GFPT2: variants seen among roughly 807,000 people sequenced by gnomAD.
GFPT2 encodes glutamine--fructose-6-phosphate transaminase 2.
A neutral mutation model predicts 85.6 loss-of-function variants in GFPT2; 62 were observed. That is an observed-to-expected ratio of 0.72 (90% CI 0.59 to 0.90). The LOEUF is 0.90. Ranked by LOEUF, GFPT2 falls within the 40% of genes least tolerant of loss-of-function variation. The probability of loss-of-function intolerance (pLI) is 0.00; values close to 1 mark genes in which losing one functional copy is unlikely to be tolerated. For missense variants in GFPT2, 788 were observed against 893.4 expected, an observed-to-expected ratio of 0.88 and a Z score of 1.50; for synonymous variants, 368 against 344.5, an observed-to-expected ratio of 1.07 and a Z score of -0.75.
intron 15 of GFPT2, among the ~76,000 whole-genome samples, chr5:180,308,962 C>T (rs951756332): frequency 1.3e-5 from 2 of 152,050 alleles, no homozygotes; most frequent in African/African-American, 2.4e-5. Flanking sequence ...CTCGGCCACC[C>T]GGGTTCAAGT....
intron 1 of GFPT2, among the ~76,000 whole-genome samples, chr5:180,343,206 G>A (rs921449134): frequency 1.3e-5 from 2 of 152,180 alleles, no homozygotes. Flanking sequence ...GTTCCCGAGT[G>A]CATAATGAGT....
chr5:180,314,040 C>CCGAG (rs948578658), intron 13 of GFPT2, 76 bp from the exon 14 acceptor site: 40 of 1,407,252 alleles, frequency 2.8e-5, no homozygotes, highest in Non-Finnish European at 3.6e-5. Context: ...TCCTTCACCG[C>CCGAG]CGGCTCTTAC....
chr5:180,301,308 C>G lies in GFPT2; in HGVS notation c.*256G>C, dbSNP rs1241411499. On this transcript the variant is annotated 3_prime_UTR_variant, in exon 19 of 19. Coordinates refer to ENST00000253778, the MANE Select transcript of GFPT2 (RefSeq NM_005110.4). ...TGAAGAGAGCTGTATCTCTATTGCA[C>G]AGTAGTGGAGAAGTCTGCTCTGATC... is the stretch of plus-strand genomic sequence containing the variant. The G allele has an allele frequency of 1.6e-5, 9 of 550,052 alleles. 1 individual carries two copies. In the Admixed American group the frequency reaches 2.8e-4, roughly 17 times the overall value. The allele number at this position is 550,052 out of a possible 1,614,324, so 34.1% of individuals were successfully genotyped here.
intron 15 of GFPT2, 39 bp from the exon 16 acceptor site, chr5:180,307,342 G>T (rs1254857892): frequency 3.1e-6 from 5 of 1,609,392 alleles, no homozygotes; most frequent in African/African-American, 2.7e-5. Context: ...AACCAGTCAG[G>T]CCGACTTTAA....
At chr5:180,308,123 G>A (rs1327257055) in intron 15 of GFPT2, among the ~76,000 whole-genome samples, 2 of 152,108 alleles carry the variant, frequency 1.3e-5, no homozygotes, top group Admixed American at 6.6e-5. Context: ...GGGCATGGTG[G>A]CGGGCGCCTG....
chr5:180,313,106 C>T (rs1763927458), intron 14 of GFPT2, among the ~76,000 whole-genome samples: 3 of 151,768 alleles, frequency 2.0e-5, no homozygotes, highest in East Asian at 2.0e-4. Context: ...GACGGGGTTG[C>T]CCGGGGCGGT....
intron 9 of GFPT2, among the ~76,000 whole-genome samples, chr5:180,321,430 G>A (rs117200384): frequency 2.6e-5 from 4 of 152,212 alleles, no homozygotes; most frequent in African/African-American, 9.7e-5. Flanking sequence ...AGGTGGACTC[G>A]GGGCCTCTGT....
In GFPT2 at chr5:180,316,260, G is replaced by C. The variant is rs118088798; in HGVS notation, c.1273+81C>G. 2.1e-6 allele frequency: 3 copies of C among 1,407,598 alleles called. No individual in the cohort carries two copies. In the African/African-American group the frequency reaches 4.2e-5, roughly 20 times the overall value. The allele number at this position is 1,407,598 out of a possible 1,614,324, so 87.2% of individuals were successfully genotyped here. On this transcript the variant is annotated intron_variant, in intron 13 of 18. Transcript: ENST00000253778. ...CGCAGCACAGGGTAGCCATGCAGAG[G>C]ACTTAACTGAATGAAGGAGAAGAGG...
chr5:180,312,300 T>C (rs1446219074), intron 15 of GFPT2, 130 bp downstream of exon 15: 5 of 641,242 alleles, frequency 7.8e-6, no homozygotes, highest in African/African-American at 1.8e-5. Flanking sequence ...CAGGAGGGAG[T>C]TGGGGAAGCT....
rs779630983 is a variant in GFPT2 at position 180,313,936 on chromosome 5, C to G, written c.1302G>C (p.Leu434=). ...GAGCGCCGCGGTCCTTACAGTAGCG[C>G]AGCGCCAGGAGGGTGTCCGCGGTCT... The part of the protein sequence containing the change: ...SGETADTLLA[L]RYCKDRGALT... Residue 434 remains leucine (L), a synonymous_variant, in exon 14 of 19, where the codon CTG becomes CTC. Coordinates refer to ENST00000253778, the MANE Select transcript of GFPT2 (RefSeq NM_005110.4). 2 of 1,603,264 alleles carry G rather than the reference C, an allele frequency of 1.2e-6. No individual in the cohort carries two copies. Among genetic ancestry groups the G allele is most frequent in the Middle Eastern group, 3.9e-4 (2 of 5,102 alleles).
At chr5:180,346,743 C>T (rs1038074888) in intron 1 of GFPT2, among the ~76,000 whole-genome samples, 6 of 152,204 alleles carry the variant, frequency 3.9e-5, no homozygotes, top group Non-Finnish European at 5.9e-5. Context: ...TCTTTTCCCT[C>T]CTCTGAACCC....
In GFPT2 at chr5:180,317,446, C is replaced by A. The variant is rs184862899; in HGVS notation, c.959-388G>T. 5.6e-3 allele frequency among the ~76,000 whole-genome samples: 853 copies of A among 152,286 alleles called. 2 individuals carry two copies. Among genetic ancestry groups the A allele is most frequent in the Non-Finnish European group, 9.6e-3 (656 of 68,014 alleles). On this transcript the variant is annotated intron_variant, in intron 10 of 18. Transcript: ENST00000253778. ...CAGGCAATTTTCCTTCTAATAAATA[C>A]CCTCCTGGTTTCCGTAATAAAAACC...
chr5:180,321,454 T>C (rs1008025), intron 9 of GFPT2, among the ~76,000 whole-genome samples: 26,102 of 152,296 alleles, frequency 0.17, 2,494 homozygotes, highest in African/African-American at 0.26. Context: ...TTGCCAGACC[T>C]GTGCCCGTGG....
chr5:180,349,022 G>T (rs1764661500), intron 1 of GFPT2, among the ~76,000 whole-genome samples: 1 of 151,744 alleles, frequency 6.6e-6, no homozygotes, highest in African/African-American at 2.4e-5. Flanking sequence ...TTACAGGTGT[G>T]AGTCCCCGTG....
At chr5:180,315,421 G>A (rs751477539) in intron 13 of GFPT2, among the ~76,000 whole-genome samples, 62 of 152,016 alleles carry the variant, frequency 4.1e-4, no homozygotes, top group Non-Finnish European at 7.6e-4. Context: ...CTCGTGATCC[G>A]CCCACCTCAG....
In GFPT2 at chr5:180,331,459, A is replaced by G. The variant is rs369627356; in HGVS notation, c.399+36T>C. The G allele has an allele frequency of 4.4e-5, 57 of 1,289,824 alleles. No individual in the cohort carries two copies. The African/African-American group carries it at 7.7e-4, about 17-fold the overall frequency. The allele number at this position is 1,289,824 out of a possible 1,614,324, so 79.9% of individuals were successfully genotyped here. A position where few individuals can be genotyped will look rare whatever the true frequency, so the allele number is the denominator to read the frequency against. ...GAAAGTTTCTGGGGAGACCAATCCC[A>G]CCGGACTGAGACATCACCTAGGGGA... On this transcript the variant is annotated intron_variant, in intron 5 of 18. Coordinates refer to ENST00000253778, the MANE Select transcript of GFPT2 (RefSeq NM_005110.4).
Position 180,312,186 on chromosome 5 carries a change from CCAGGGAGGCGGGGAGG to C in GFPT2, c.1546+228_1546+243del, listed in dbSNP as rs1264675636. Among the ~76,000 whole-genome samples the C allele has an allele frequency of 8.9e-5, 4 of 45,088 alleles. 1 individual carries two copies. The highest frequency in any genetic ancestry group is 1.9e-3 in the East Asian group (2 of 1,062). 29.6% of individuals were successfully genotyped at this position (45,088 alleles called of 152,430 possible). On this transcript the variant is annotated intron_variant, in intron 15 of 18. Transcript: ENST00000253778. ...ACCAGGGAGGCAGGGAGGCTGAGGA[CCAGGGAGGCGGGGAGG>C]CAGGGAGGCAGGGAGGCAGGGAGGC...
chr5:180,334,629 A>G (rs926905318), intron 4 of GFPT2, among the ~76,000 whole-genome samples: 1 of 152,166 alleles, frequency 6.6e-6, no homozygotes, highest in African/African-American at 2.4e-5. Flanking sequence ...ATGCCAGAGG[A>G]TGTCTTGGGT....
intron 1 of GFPT2, among the ~76,000 whole-genome samples, chr5:180,343,946 G>A (rs62404954): frequency 0.024 from 3,593 of 152,334 alleles, 62 homozygotes; most frequent in Non-Finnish European, 0.035. Context: ...TTCTAAGAAG[G>A]TATCCAGCGG....
Sources: allele counts gnomAD v4.1 joint callset (sites outside exome capture counted in the v4.1 genomes callset), GRCh38; gene constraint gnomAD v4.1.1; transcripts MANE v1.5; gene names NCBI Gene and HGNC (gene_info 2026-07-23, HGNC 2026-07-21).